The following PRCC variants were observed in gnomAD, a reference collection of about 807,000 sequenced individuals.
The protein encoded by PRCC is proline rich mitotic checkpoint control factor, also known as proline-rich protein PRCC.
A neutral mutation model predicts 44.0 loss-of-function variants in PRCC; 10 were observed. The observed-to-expected ratio is 0.23, with a 90% confidence interval of 0.14 to 0.39. The LOEUF is 0.39. PRCC is among the 10% of genes least tolerant of loss of function. PRCC has a pLI of 1.00. For missense variants in PRCC, 573 were observed against 624.7 expected (o/e 0.92, Z 0.88); for synonymous variants, 278 against 259.5 (o/e 1.07, Z -0.69).
At position 156,800,755 on chromosome 1, in the gene PRCC, C is replaced by G. The variant is rs1652808458; in HGVS notation, c.*295C>G. 1 of 327,370 alleles carries G rather than the reference C, an allele frequency of 3.1e-6. No homozygotes were observed. The highest frequency in any genetic ancestry group is 4.4e-5 in the East Asian group (1 of 22,488). The allele number at this position is 327,370 out of a possible 1,614,324, so 20.3% of individuals were successfully genotyped here. On this transcript the variant is annotated 3_prime_UTR_variant, in exon 7 of 7. Transcript: ENST00000271526. ...TGATAAAATGTTGAACCCTCCCCAC[C>G]ACCACTTTTTTTTTTTTAAACCAGG...
At chr1:156,791,320 T>C (rs1652466074) in intron 3 of PRCC, 2 of 526,082 alleles carry the variant, frequency 3.8e-6, no homozygotes, top group South Asian at 3.7e-5. Flanking sequence ...GCATCGTAGC[T>C]CATTGGGGTC....
chr1:156,787,650 C>CTTTTTTTTTTTTTTTTTTT lies in PRCC; in HGVS notation c.1083+492_1083+493insTTTTTTTTTTTTTTTTTTT, dbSNP rs56916626. Among the ~76,000 whole-genome samples the CTTTTTTTTTTTTTTTTTTT allele has an allele frequency of 1.5e-4, 8 of 54,168 alleles. 3 individuals are homozygous for CTTTTTTTTTTTTTTTTTTT. The highest frequency in any genetic ancestry group is 3.6e-4 in the African/African-American group (4 of 11,032). The allele number at this position is 54,168 out of a possible 152,430, so 35.5% of individuals were successfully genotyped here. On this transcript the variant is annotated intron_variant, in intron 3 of 6. Coordinates refer to ENST00000271526, the MANE Select transcript of PRCC (RefSeq NM_005973.5). Reference sequence around the variant, plus strand: ...AGTACCTGATAGGTAGGTTTTTGGCCTTTTTTTTTTTTTTTTGGAGAAGGA... The same window carrying CTTTTTTTTTTTTTTTTTTT: ...AGTACCTGATAGGTAGGTTTTTGGCCTTTTTTTTTTTTTTTTTTTTTTTTTTTTTTTTTTTGGAGAAGGA...
rs142979740 is a variant in PRCC at position 156,786,596 on chromosome 1, T to G, written c.517-12T>G. On this transcript the variant is annotated splice_polypyrimidine_tract_variant and intron_variant, in intron 2 of 6. Coordinates refer to ENST00000271526, the MANE Select transcript of PRCC (RefSeq NM_005973.5). ...TCTTTCTTTCCTCCTATCCCACACCTGGGCTCACCAGGGATCCAGTGAGGG... is the reference window on the plus strand; with the variant it reads ...TCTTTCTTTCCTCCTATCCCACACCGGGGCTCACCAGGGATCCAGTGAGGG... 1.8e-4 allele frequency: 295 copies of G among 1,602,118 alleles called. 1 individual carries two copies. The African/African-American group carries it at 3.4e-3, about 18-fold the overall frequency.
chr1:156,791,028 A>G, intron 3 of PRCC: 1 of 1,228,064 alleles, frequency 8.1e-7, no homozygotes. Flanking sequence ...TTCACCAAGC[A>G]GAGGCCTTGC....
chr1:156,783,960 T>TGG lies in PRCC; in HGVS notation c.516+1637_516+1638dup, dbSNP rs1553253010. Among the ~76,000 whole-genome samples, 8 of 150,130 alleles carry TGG rather than the reference T, an allele frequency of 5.3e-5. No homozygotes were observed. In the East Asian group the frequency reaches 1.2e-3, roughly 22 times the overall value. Reference sequence around the variant, plus strand: ...TTTATTTATTTAATTTTTTTTTTTTTGGGGGGGACGGAGTCTCGCTCTACC... The same window carrying TGG: ...TTTATTTATTTAATTTTTTTTTTTTTGGGGGGGGGACGGAGTCTCGCTCTACC... On this transcript the variant is annotated intron_variant, in intron 2 of 6. Transcript: ENST00000271526.
At chr1:156,770,260 G>C (rs1651581175) in intron 1 of PRCC, among the ~76,000 whole-genome samples, 1 of 152,198 alleles carries the variant, frequency 6.6e-6, no homozygotes, top group Admixed American at 6.5e-5. Context: ...AGCCCTTGCT[G>C]GTTGAGTTTC....
intron 5 of PRCC, chr1:156,795,855 A>G (rs977897266): frequency 6.6e-6 from 1 of 152,210 alleles, no homozygotes; most frequent in African/African-American, 2.4e-5. Flanking sequence ...GCAAATGTGG[A>G]CATTTATGAG....
chr1:156,790,380 TG>T (rs1652430382), intron 3 of PRCC, among the ~76,000 whole-genome samples: 1 of 152,216 alleles, frequency 6.6e-6, no homozygotes, highest in Admixed American at 6.5e-5. Flanking sequence ...CCCAGCACTT[TG>T]GGAGGCCAAG....
intron 4 of PRCC, among the ~76,000 whole-genome samples, chr1:156,793,799 T>A (rs769730607): frequency 3.9e-5 from 6 of 151,970 alleles, no homozygotes; most frequent in Admixed American, 6.6e-5. Flanking sequence ...GCTAATTTTT[T>A]AATTTTTTTA....
chr1:156,776,209 T>C (rs1291700275), intron 1 of PRCC, among the ~76,000 whole-genome samples: 1 of 152,108 alleles, frequency 6.6e-6, no homozygotes, highest in Non-Finnish European at 1.5e-5. Context: ...CAAAAAAATT[T>C]TAAAAATAAA....
Position 156,791,749 on chromosome 1 carries a change from C to T in PRCC, c.1136C>T (p.Pro379Leu), listed in dbSNP as rs146298751. The T allele has an allele frequency of 2.5e-6, 4 of 1,613,970 alleles. No homozygotes were observed. Among genetic ancestry groups the T allele is most frequent in the Non-Finnish European group, 3.4e-6 (4 of 1,179,974 alleles). The change falls in exon 4 of 7, where the codon CCC (proline) becomes CTC (leucine). Residue 379 changes from proline to leucine, a missense_variant. By Grantham distance (98) the Pro-to-Leu change is moderately conservative (BLOSUM62 -3). This residue lies in a region of PRCC where 141 missense variants were observed against 130.2 expected (regional missense o/e 1.08). Transcript: ENST00000271526. Reference sequence around the variant, plus strand: ...GCACAGGACCCGGCCCTGGTCCCCCCCCAGGAAATTGCCCCAGATGCCTCC... The same window carrying T: ...GCACAGGACCCGGCCCTGGTCCCCCTCCAGGAAATTGCCCCAGATGCCTCC... Reference protein sequence around the residue: ...YPAQDPALVPPQEIAPDASFI... With the variant: ...YPAQDPALVPLQEIAPDASFI...
chr1:156,790,912 CAA>C (rs1238026877), intron 3 of PRCC, among the ~76,000 whole-genome samples: 1 of 152,112 alleles, frequency 6.6e-6, no homozygotes, highest in Non-Finnish European at 1.5e-5. Flanking sequence ...CATCATAAAA[CAA>C]ATGTTCTTAG....
chr1:156,783,516 C>A (rs1368576637), intron 2 of PRCC, among the ~76,000 whole-genome samples: 5 of 152,096 alleles, frequency 3.3e-5, no homozygotes, highest in Admixed American at 1.3e-4. Flanking sequence ...GAGGCCCAGG[C>A]GGGCAGATCA....
chr1:156,789,094 C>T (rs1197460862), intron 3 of PRCC, among the ~76,000 whole-genome samples: 3 of 152,104 alleles, frequency 2.0e-5, no homozygotes, highest in Admixed American at 6.6e-5. Flanking sequence ...CTCAGCCTCT[C>T]GAGTAACTGG....
At chr1:156,799,081 A>T (rs947331880) in intron 6 of PRCC, among the ~76,000 whole-genome samples, 4 of 152,188 alleles carry the variant, frequency 2.6e-5, no homozygotes, top group African/African-American at 7.2e-5. Flanking sequence ...TGCAGTTAAG[A>T]TTTAATGCTG....
intron 6 of PRCC, among the ~76,000 whole-genome samples, chr1:156,799,750 G>C (rs1351642763): frequency 6.6e-6 from 1 of 152,204 alleles, no homozygotes; most frequent in Non-Finnish European, 1.5e-5. Context: ...CCTTTCTAGG[G>C]TGGTACTTCT....
rs1215124735 is a variant in PRCC, at chr1:156,779,124, ATATATTTTTTTTTTTTTTT to A, written c.469-3156_469-3138del. ...GGGTAATATATATATATATATATAT[ATATATTTTTTTTTTTTTTT>A]TTTTTTTTTTTTTTTTCTTTTTTTC... On this transcript the variant is annotated intron_variant, in intron 1 of 6. Transcript: ENST00000271526. Among the ~76,000 whole-genome samples, 28 of 25,204 alleles carry A rather than the reference ATATATTTTTTTTTTTTTTT, an allele frequency of 1.1e-3. No individual in the cohort carries two copies. The South Asian group carries it at 0.015, about 14-fold the overall frequency. The allele number at this position is 25,204 out of a possible 152,430, so 16.5% of individuals were successfully genotyped here.
chr1:156,795,290 T>TTTTTG (rs1652626748), intron 5 of PRCC, among the ~76,000 whole-genome samples: 8 of 120,830 alleles, frequency 6.6e-5, no homozygotes, highest in Admixed American at 1.7e-4. Flanking sequence ...CTGGTGTTTT[T>TTTTTG]TTTTTTTTTT....
chr1:156,780,576 G>A (rs1389605172), intron 1 of PRCC, among the ~76,000 whole-genome samples: 3 of 151,646 alleles, frequency 2.0e-5, no homozygotes, highest in South Asian at 2.1e-4. Flanking sequence ...TCAGCCTTCC[G>A]AGTAGCTGGG....
Sources: gnomAD v4.1 joint callset for allele counts (sites outside exome capture counted in the v4.1 genomes callset) on GRCh38, gnomAD v4.1.1 for gene constraint, gnomAD v4.1.1 regional missense constraint, MANE v1.5 for transcripts, NCBI Gene and HGNC (gene_info 2026-07-23, HGNC 2026-07-21) for gene names.